Variants in RPSA observed in about 807,000 individuals in gnomAD.
RPSA encodes the protein small ribosomal subunit protein uS2.
For synonymous variants in RPSA, 103 were observed against 126.7 expected (o/e 0.81, Z 1.25); for missense variants, 140 against 372.8 (o/e 0.38, Z 5.14).
rs934191761 is a variant in RPSA at position 39,411,564 on chromosome 3, A to G, written c.499-85A>G. On this transcript the variant is annotated intron_variant, in intron 4 of 6. Transcript: ENST00000301821. ...ACTAAGAGATGTCTGTACTTTTGGT[A>G]CCTAGATGATGTAAGAGCCAGGAAG... 1.5e-5 allele frequency: 21 copies of G among 1,424,948 alleles called. No individual in the cohort carries two copies. In the South Asian group the frequency reaches 2.0e-4, roughly 14 times the overall value. 88.3% of individuals were successfully genotyped at this position (1,424,948 alleles called of 1,614,324 possible).
chr3:39,407,920 C>G, intron 2 of RPSA, 134 bp downstream of exon 2: 1 of 656,014 alleles, frequency 1.5e-6, no homozygotes. Context: ...TGAAAACATA[C>G]TTTAAATAAA....
chr3:39,411,623 T>A, intron 4 of RPSA, 26 bp from the exon 5 acceptor site: 2 of 1,609,620 alleles, frequency 1.2e-6, no homozygotes, highest in Non-Finnish European at 1.7e-6. Flanking sequence ...AAGTGTCACT[T>A]TTTAATAATC....
chr3:39,409,836 T>TAA (rs56170792), intron 3 of RPSA, among the ~76,000 whole-genome samples: 1 of 151,596 alleles, frequency 6.6e-6, no homozygotes. Context: ...TCCTGTTTCT[T>TAA]AAAAAAGCCA....
chr3:39,408,266 C>A, intron 2 of RPSA: 1 of 465,590 alleles, frequency 2.1e-6, no homozygotes, highest in Non-Finnish European at 4.1e-6. Context: ...ATGAATCTTG[C>A]ATCAGTGCAG....
chr3:39,407,620 G>C lies in RPSA; in HGVS notation c.-33-1G>C, dbSNP rs1386292125. ...AGAAATAGGTTGCTCTCTTATTTCA[G>C]ATTCCCGTCGTAACTTAAAGGGAAA... On this transcript the variant is annotated splice_acceptor_variant, in intron 1 of 6. Transcript: ENST00000301821. LOFTEE classifies it low-confidence loss of function (5UTR_SPLICE). 6.3e-7 allele frequency: 1 copy of C among 1,590,704 alleles called. No homozygotes were observed. The highest frequency in any genetic ancestry group is 8.5e-7 in the Non-Finnish European group (1 of 1,173,676).
At position 39,412,285 on chromosome 3, in the gene RPSA, G is replaced by A. The variant is rs2725; in HGVS notation, c.805G>A (p.Ala269Thr). Residue 269 changes from alanine to threonine, a missense_variant, in exon 7 of 7, where the codon GCT (alanine) becomes ACT (threonine). Coordinates refer to ENST00000301821, the MANE Select transcript of RPSA (RefSeq NM_002295.6). ...TATTCTCTTAACAGAAGACTGGAGC[G>A]CTCAGCCTGCCACGGAAGACTGGTC... ...IQQFPTEDWS[A>T]QPATEDWSAA... The A allele has an allele frequency of 3.1e-6, 5 of 1,610,184 alleles. No homozygotes were observed. Among genetic ancestry groups the A allele is most frequent in the South Asian group, 1.1e-5 (1 of 90,964 alleles).
chr3:39,410,314 T>A (rs1302302763), intron 3 of RPSA: 3 of 178,910 alleles, frequency 1.7e-5, no homozygotes, highest in African/African-American at 7.0e-5. Flanking sequence ...TTTGACAGAT[T>A]TAAAAATTAT....
chr3:39,408,753 T>G, intron 3 of RPSA, 29 bp downstream of exon 3: 1 of 1,146,870 alleles, frequency 8.7e-7, no homozygotes, highest in Non-Finnish European at 1.3e-6. Flanking sequence ...AGTTTTTATA[T>G]TATAGAAATA....
chr3:39,407,600 T>C (rs906550112), intron 1 of RPSA, 21 bp from the exon 2 acceptor site: 2 of 1,569,694 alleles, frequency 1.3e-6, no homozygotes, highest in East Asian at 4.5e-5. Flanking sequence ...TGAAAAGAAA[T>C]AGGTTGCTCT....
intron 1 of RPSA, among the ~76,000 whole-genome samples, chr3:39,407,308 C>G (rs1342673181): frequency 6.6e-6 from 1 of 152,172 alleles, no homozygotes; most frequent in Non-Finnish European, 1.5e-5. Flanking sequence ...CATGGCTGCT[C>G]TTTTGTATCT....
chr3:39,411,877 T>G lies in RPSA; in HGVS notation c.628-19T>G. The stretch of plus-strand genomic sequence containing the variant: ...TGTCAGTCCCTGTAAGTCTTTCCTC[T>G]TTTTTTTTTGTAACCCAGATTGAAA... On this transcript the variant is annotated intron_variant, in intron 5 of 6. Coordinates refer to ENST00000301821, the MANE Select transcript of RPSA (RefSeq NM_002295.6). 1 of 1,293,422 alleles carries G rather than the reference T, an allele frequency of 7.7e-7. No homozygotes were observed. Among genetic ancestry groups the G allele is most frequent in the Non-Finnish European group, 1.1e-6 (1 of 946,124 alleles). 80.1% of individuals were successfully genotyped at this position (1,293,422 alleles called of 1,614,324 possible). A position where few individuals can be genotyped will look rare whatever the true frequency, so the allele number is the denominator to read the frequency against.
chr3:39,408,949 G>C (rs1396636049), intron 3 of RPSA: 15 of 458,582 alleles, frequency 3.3e-5, no homozygotes, highest in Non-Finnish European at 4.4e-5. Flanking sequence ...AGTTGGGCGT[G>C]GGGGCGGGTG....
At chr3:39,406,785 C>T (rs1308990143) in intron 1 of RPSA, 21 bp downstream of exon 1, 2 of 446,860 alleles carry the variant, frequency 4.5e-6, no homozygotes, top group South Asian at 1.6e-5. Context: ...TGTAGCGTCC[C>T]TGGCGCCTTC....
rs916436007 is a variant in RPSA, at chr3:39,407,902, C to T, written c.133+116C>T. 6.5e-5 allele frequency: 47 copies of T among 728,244 alleles called. No homozygotes were observed. The African/African-American group carries it at 7.7e-4, about 12-fold the overall frequency. The allele number at this position is 728,244 out of a possible 1,614,324, so 45.1% of individuals were successfully genotyped here. ...CTATCTTCCTTAAATGAAGCCAGAC[C>T]CCTACGTTGAAAACATACTTTAAAT... On this transcript the variant is annotated intron_variant, in intron 2 of 6. Transcript: ENST00000301821.
Position 39,410,912 on chromosome 3 carries a change from A to G in RPSA, c.411A>G (p.Ala137=), listed in dbSNP as rs748080721. The change falls in exon 4 of 7, where the codon GCA becomes GCG. Residue 137 remains alanine (A), a synonymous_variant. Coordinates refer to ENST00000301821, the MANE Select transcript of RPSA (RefSeq NM_002295.6). The stretch of plus-strand genomic sequence containing the variant: ...CTGACCACCAGCCTCTCACGGAGGC[A>G]TCTTATGTTAACCTACCTACCATTG... ...PRADHQPLTE[A]SYVNLPTIAL... 5 of 1,591,648 alleles carry G rather than the reference A, an allele frequency of 3.1e-6. No individual in the cohort carries two copies. The highest frequency in any genetic ancestry group is 1.7e-5 in the Admixed American group (1 of 59,982).
At chr3:39,408,346 A>G (rs1009105138) in intron 2 of RPSA, 2 of 662,022 alleles carry the variant, frequency 3.0e-6, no homozygotes, top group Non-Finnish European at 2.8e-6. Flanking sequence ...GAATAAGTAC[A>G]GGGAAAGAGA....
chr3:39,407,486 A>C, intron 1 of RPSA, 135 bp from the exon 2 acceptor site: 1 of 740,104 alleles, frequency 1.4e-6, no homozygotes, highest in South Asian at 1.4e-5. Flanking sequence ...GTATGGGTTA[A>C]CTTTCTGTTT....
intron 1 of RPSA, 81 bp from the exon 2 acceptor site, chr3:39,407,540 A>C: frequency 1.0e-6 from 1 of 969,814 alleles, no homozygotes; most frequent in East Asian, 2.4e-5. Context: ...ACTATAGCAG[A>C]TGGAGTTTTT....
chr3:39,407,607 C>A lies in RPSA; in HGVS notation c.-33-14C>A, dbSNP rs1471053618. The A allele has an allele frequency of 6.3e-7, 1 of 1,580,956 alleles. No individual in the cohort carries two copies. The highest frequency in any genetic ancestry group is 2.2e-5 in the East Asian group (1 of 44,756). ...CAATGGAATGAAAAGAAATAGGTTG[C>A]TCTCTTATTTCAGATTCCCGTCGTA... On this transcript the variant is annotated splice_polypyrimidine_tract_variant and intron_variant, in intron 1 of 6. Coordinates refer to ENST00000301821, the MANE Select transcript of RPSA (RefSeq NM_002295.6).
Sources: allele counts gnomAD v4.1 joint callset (sites outside exome capture counted in the v4.1 genomes callset), GRCh38; gene constraint gnomAD v4.1.1; transcripts MANE v1.5; gene names NCBI Gene and HGNC (gene_info 2026-07-23, HGNC 2026-07-21).